RUNX1: variants seen among roughly 807,000 people sequenced by gnomAD.
RUNX1 encodes RUNX family transcription factor 1.
RUNX1 carries 19 observed loss-of-function variants against 42.8 expected under a neutral mutation model. The ratio of observed to expected loss-of-function variants is 0.44; its 90% CI spans 0.31 to 0.65. The LOEUF (loss-of-function observed/expected upper bound fraction) is 0.65. Among genes scored for constraint, RUNX1 ranks in the 30% least tolerant of loss-of-function variants. RUNX1 has a pLI of 0.07. For synonymous variants in RUNX1, 271 were observed against 289.4 expected, an observed-to-expected ratio of 0.94 and a Z score of 0.64; for missense variants, 528 against 672.0, an observed-to-expected ratio of 0.79 and a Z score of 2.37.
chr21:34,991,311 G>A (rs887523210), intron 2 of RUNX1, among the ~76,000 whole-genome samples: 15 of 104,830 alleles, frequency 1.4e-4, no homozygotes, highest in Middle Eastern at 5.4e-3. Flanking sequence ...CCTTGTTAAA[G>A]AGAATATTCA....
chr21:34,854,771 C>T (rs999398276), intron 6 of RUNX1, among the ~76,000 whole-genome samples: 2 of 152,016 alleles, frequency 1.3e-5, no homozygotes, highest in African/African-American at 4.8e-5. Flanking sequence ...GCCCAGAGAG[C>T]AGAGGCAACG....
chr21:35,026,900 G>T (rs1387850267), intron 2 of RUNX1, among the ~76,000 whole-genome samples: 1 of 152,226 alleles, frequency 6.6e-6, no homozygotes, highest in African/African-American at 2.4e-5. Flanking sequence ...CGTTATCAGC[G>T]GCGCGCAGGC....
chr21:34,893,435 A>C (rs1364226106), intron 2 of RUNX1, among the ~76,000 whole-genome samples: 2 of 152,172 alleles, frequency 1.3e-5, no homozygotes, highest in African/African-American at 2.4e-5. Flanking sequence ...TAGGCAGGTA[A>C]ATTATTTACA....
At chr21:35,032,308 T>TA (rs1216994036) in intron 2 of RUNX1, among the ~76,000 whole-genome samples, 1 of 152,228 alleles carries the variant, frequency 6.6e-6, no homozygotes, top group African/African-American at 2.4e-5. Context: ...TAGGTGGACT[T>TA]AGAACTGAAT....
At chr21:34,888,134 TG>T in intron 3 of RUNX1, 1 of 1,066,346 alleles carries the variant, frequency 9.4e-7, no homozygotes, top group Non-Finnish European at 1.1e-6. Flanking sequence ...CTACATCAGC[TG>T]GGTGACTCAG....
At chr21:35,018,843 G>C (rs890413914) in intron 2 of RUNX1, among the ~76,000 whole-genome samples, 10 of 152,134 alleles carry the variant, frequency 6.6e-5, no homozygotes, top group Non-Finnish European at 1.5e-4. Flanking sequence ...CCTGCCCAAC[G>C]ATCTGCAGTG....
At chr21:34,902,092 T>C (rs375251130) in intron 2 of RUNX1, among the ~76,000 whole-genome samples, 1 of 152,360 alleles carries the variant, frequency 6.6e-6, no homozygotes, top group African/African-American at 2.4e-5. Flanking sequence ...AGGGGTCCTG[T>C]TCCTCATGTC....
intron 7 of RUNX1, among the ~76,000 whole-genome samples, chr21:34,822,263 TC>T (rs1275192051): frequency 6.6e-6 from 1 of 152,182 alleles, no homozygotes; most frequent in Non-Finnish European, 1.5e-5. Flanking sequence ...GGCAGGACCT[TC>T]CGGGCAATGC....
intron 2 of RUNX1, among the ~76,000 whole-genome samples, chr21:34,957,548 T>G: frequency 6.6e-6 from 1 of 152,122 alleles, no homozygotes; most frequent in Non-Finnish European, 1.5e-5. Flanking sequence ...ATGAAAAAAA[T>G]GTCCCACTTG....
At chr21:35,009,223 T>A (rs2059107448) in intron 2 of RUNX1, among the ~76,000 whole-genome samples, 1 of 152,206 alleles carries the variant, frequency 6.6e-6, no homozygotes, top group Non-Finnish European at 1.5e-5. Flanking sequence ...TAGCATTTGA[T>A]GCGAGGATAA....
intron 3 of RUNX1, chr21:34,888,353 C>A (rs2058028222): frequency 5.7e-5 from 61 of 1,067,896 alleles, no homozygotes; most frequent in Non-Finnish European, 6.9e-5. Context: ...CACTGCCACG[C>A]ACACGCAACT....
At chr21:34,963,986 GCATTCATTCATT>G (rs749228044) in intron 2 of RUNX1, among the ~76,000 whole-genome samples, 1 of 152,128 alleles carries the variant, frequency 6.6e-6, no homozygotes. Context: ...GATTGGGATG[GCATTCATTCATT>G]CATTCATTCA....
At chr21:34,973,283 G>T (rs2058775866) in intron 2 of RUNX1, among the ~76,000 whole-genome samples, 1 of 152,172 alleles carries the variant, frequency 6.6e-6, no homozygotes, top group African/African-American at 2.4e-5. Context: ...GTATTTGATT[G>T]TCTCCCTTGC....
At chr21:34,960,868 A>C (rs2058676965) in intron 2 of RUNX1, among the ~76,000 whole-genome samples, 1 of 152,200 alleles carries the variant, frequency 6.6e-6, no homozygotes, top group South Asian at 2.1e-4. Context: ...GGGGTGAATG[A>C]CAATGGGAAG....
intron 2 of RUNX1, among the ~76,000 whole-genome samples, chr21:34,962,924 C>T (rs905507487): frequency 2.6e-5 from 4 of 152,182 alleles, no homozygotes; most frequent in African/African-American, 9.7e-5. Context: ...CACAGGCCTG[C>T]CCTATTATCA....
At chr21:34,870,570 T>A (rs1183561373) in intron 5 of RUNX1, among the ~76,000 whole-genome samples, 1 of 152,170 alleles carries the variant, frequency 6.6e-6, no homozygotes, top group Non-Finnish European at 1.5e-5. Flanking sequence ...CAGCAAAGAA[T>A]AACTGGCCCT....
Position 35,049,159 on chromosome 21 carries a change from G to C in RUNX1, c.-60+9C>G, listed in dbSNP as rs192818086. On this transcript the variant is annotated intron_variant, in intron 1 of 8. Coordinates refer to ENST00000675419, the MANE Select transcript of RUNX1 (RefSeq NM_001754.5). ...AGCGCCGCCTTGGCTGTGGGTTGGTGATGCTCACCACGCTGCGAAACCCTG... is the reference window on the plus strand; with the variant it reads ...AGCGCCGCCTTGGCTGTGGGTTGGTCATGCTCACCACGCTGCGAAACCCTG... The C allele has an allele frequency of 1.4e-5, 7 of 491,284 alleles. No homozygotes were observed. In the Admixed American group the frequency reaches 2.4e-4, roughly 17 times the overall value. 30.4% of individuals were successfully genotyped at this position (491,284 alleles called of 1,614,324 possible).
rs545243388 is a variant in RUNX1 at position 34,809,648 on chromosome 21, C to G, written c.806-10186G>C. Among the ~76,000 whole-genome samples, 198 of 152,206 alleles carry G rather than the reference C, an allele frequency of 1.3e-3. No homozygotes were observed. The Middle Eastern group carries it at 0.014, about 10-fold the overall frequency. ...GCAGTCCAGGCTGGGCATGGAAGGC[C>G]GTGCTTTACAGCCAATCTCCACTGT... On this transcript the variant is annotated intron_variant, in intron 7 of 8. Coordinates refer to ENST00000675419, the MANE Select transcript of RUNX1 (RefSeq NM_001754.5).
At chr21:34,925,101 A>G (rs2146569549) in intron 2 of RUNX1, among the ~76,000 whole-genome samples, 1 of 152,286 alleles carries the variant, frequency 6.6e-6, no homozygotes, top group East Asian at 1.9e-4. Context: ...TGTGTTTCCC[A>G]GTGAGTTCTA....
Sources: allele counts gnomAD v4.1 joint callset (sites outside exome capture counted in the v4.1 genomes callset), GRCh38; gene constraint gnomAD v4.1.1; transcripts MANE v1.5; gene names NCBI Gene and HGNC (gene_info 2026-07-23, HGNC 2026-07-21).